TMEM132D: variants seen among roughly 807,000 people sequenced by gnomAD.
The protein encoded by TMEM132D is transmembrane protein 132D.
In TMEM132D, 21 loss-of-function variants were observed where a neutral mutation model predicts 62.3. The observed-to-expected ratio is 0.34, with a 90% CI of 0.24 to 0.49. The LOEUF is 0.49. TMEM132D is among the 20% of genes least tolerant of loss of function. TMEM132D has a pLI of 0.99. For missense variants in TMEM132D, 1,346 were observed against 1,402.8 expected (o/e 0.96, Z 0.65); for synonymous variants, 621 against 575.6 (o/e 1.08, Z -1.13).
intron 2 of TMEM132D, among the ~76,000 whole-genome samples, chr12:129,632,035 C>A (rs1435216971): frequency 6.6e-6 from 1 of 152,184 alleles, no homozygotes; most frequent in Non-Finnish European, 1.5e-5. Flanking sequence ...GCATTATTTA[C>A]AACAGGAGCA....
At position 129,834,356 on chromosome 12, in the gene TMEM132D, A is replaced by G. The variant is rs565340165; in HGVS notation, c.79+68905T>C. The stretch of plus-strand genomic sequence containing the variant: ...AGTCCACCACCACCATCGGGCCAGC[A>G]TCAAGATAATGGCAACCAAACCTCA... On this transcript the variant is annotated intron_variant, in intron 1 of 8. Transcript: ENST00000422113. 4.4e-3 allele frequency among the ~76,000 whole-genome samples: 671 copies of G among 152,276 alleles called. 4 individuals are homozygous for G. Among genetic ancestry groups the G allele is most frequent in the African/African-American group, 0.015 (621 of 41,566 alleles).
At chr12:129,828,242 T>C (rs1872713842) in intron 1 of TMEM132D, among the ~76,000 whole-genome samples, 1 of 152,136 alleles carries the variant, frequency 6.6e-6, no homozygotes, top group African/African-American at 2.4e-5. Context: ...GCCAGAGAAT[T>C]TTCCTTAGCT....
At chr12:129,331,660 G>T (rs1472202155) in intron 4 of TMEM132D, among the ~76,000 whole-genome samples, 3 of 152,188 alleles carry the variant, frequency 2.0e-5, no homozygotes, top group Admixed American at 6.5e-5. Context: ...AGGAAGAAAA[G>T]AGTTTGTTTT....
intron 1 of TMEM132D, among the ~76,000 whole-genome samples, chr12:129,845,910 C>T (rs1344295933): frequency 6.6e-6 from 1 of 152,214 alleles, no homozygotes; most frequent in Non-Finnish European, 1.5e-5. Flanking sequence ...TACTGATACC[C>T]ACTTTTAATT....
At position 129,537,158 on chromosome 12, in the gene TMEM132D, T is replaced by TTAAAA. The variant is rs551400531; in HGVS notation, c.969-5954_969-5953insTTTTA. Among the ~76,000 whole-genome samples the TTAAAA allele has an allele frequency of 1.7e-4, 20 of 114,338 alleles. 2 individuals carry two copies. The East Asian group carries it at 4.1e-3, about 23-fold the overall frequency. 75.0% of individuals were successfully genotyped at this position (114,338 alleles called of 152,430 possible). A position where few individuals can be genotyped will look rare whatever the true frequency, so the allele number is the denominator to read the frequency against. On this transcript the variant is annotated intron_variant, in intron 2 of 8. Coordinates refer to ENST00000422113, the MANE Select transcript of TMEM132D (RefSeq NM_133448.3). Reference sequence around the variant, plus strand: ...CTGGGTGACAGAGTGAAACTCTGTCTAAAAAAAAAAAAAAAATTCATATGC... The same window carrying TTAAAA: ...CTGGGTGACAGAGTGAAACTCTGTCTTAAAAAAAAAAAAAAAAAAAATTCATATGC...
intron 1 of TMEM132D, among the ~76,000 whole-genome samples, chr12:129,847,213 G>A (rs1439555318): frequency 6.6e-6 from 1 of 152,200 alleles, no homozygotes; most frequent in Non-Finnish European, 1.5e-5. Flanking sequence ...GAGCCTGGAT[G>A]TTGACTGGCC....
At chr12:129,659,269 C>T (rs1318313114) in intron 2 of TMEM132D, among the ~76,000 whole-genome samples, 2 of 152,084 alleles carry the variant, frequency 1.3e-5, no homozygotes, top group African/African-American at 4.8e-5. Context: ...AAATCGATGG[C>T]TGTTTTAAAT....
At chr12:129,457,698 GA>G (rs1873521434) in intron 3 of TMEM132D, among the ~76,000 whole-genome samples, 1 of 152,076 alleles carries the variant, frequency 6.6e-6, no homozygotes, top group South Asian at 2.1e-4. Flanking sequence ...GAAGGGCAAA[GA>G]AAAAGGAAGC....
chr12:129,887,725 AAGTT>A (rs1241235194), intron 1 of TMEM132D, among the ~76,000 whole-genome samples: 2 of 152,224 alleles, frequency 1.3e-5, no homozygotes, highest in Admixed American at 1.3e-4. Flanking sequence ...TGCAAGCTGC[AAGTT>A]TTTGTTCTTT....
In TMEM132D at chr12:129,099,810, TTTTTTATTTTTTTTATTTTTA is replaced by T. The variant is rs976428859; in HGVS notation, c.1444-15129_1444-15109del. ...AGTGGGAGCGAAACCCACTTTATTTTTTTTTATTTTTTTTATTTTTATTTTTATTTTTTGAGACGGAGTCTC... is the reference window on the plus strand; with the variant it reads ...AGTGGGAGCGAAACCCACTTTATTTTTTTTTATTTTTTGAGACGGAGTCTC... On this transcript the variant is annotated intron_variant, in intron 5 of 8. Coordinates refer to ENST00000422113, the MANE Select transcript of TMEM132D (RefSeq NM_133448.3). Among the ~76,000 whole-genome samples, 2 of 142,972 alleles carry T rather than the reference TTTTTTATTTTTTTTATTTTTA, an allele frequency of 1.4e-5. 1 individual carries two copies. The highest frequency in any genetic ancestry group is 6.1e-5 in the African/African-American group (2 of 32,664). 93.8% of individuals were successfully genotyped at this position (142,972 alleles called of 152,430 possible).
chr12:129,081,960 G>A lies in TMEM132D; in HGVS notation c.1722C>T (p.His574=), dbSNP rs200675006. The A allele has an allele frequency of 2.5e-5, 41 of 1,614,038 alleles. No homozygotes were observed. The highest frequency in any genetic ancestry group is 6.7e-5 in the African/African-American group (5 of 75,068). Reference sequence around the variant, plus strand: ...ACTGCGTCAGGACCCGCACCATGGCGTGCTGGTACTGCAGGGTGCAGCCGC... The same window carrying A: ...ACTGCGTCAGGACCCGCACCATGGCATGCTGGTACTGCAGGGTGCAGCCGC... ...RGRGCTLQYQ[H]AMVRVLTQFV... is the part of the protein sequence containing the mutation. Residue 574 remains histidine, a synonymous_variant, in exon 7 of 9, where the codon CAC becomes CAT. Transcript: ENST00000422113.
At chr12:129,187,000 A>G (rs1878239698) in intron 5 of TMEM132D, among the ~76,000 whole-genome samples, 1 of 152,214 alleles carries the variant, frequency 6.6e-6, no homozygotes, top group African/African-American at 2.4e-5. Flanking sequence ...TTTAATATAA[A>G]TAATTAGCTG....
chr12:129,709,455 T>C (rs895305560), intron 1 of TMEM132D, among the ~76,000 whole-genome samples: 3 of 152,242 alleles, frequency 2.0e-5, no homozygotes, highest in Non-Finnish European at 4.4e-5. Flanking sequence ...TTTTGTCTTA[T>C]GAGACTGTAA....
chr12:129,724,844 A>C (rs1868973096), intron 1 of TMEM132D, among the ~76,000 whole-genome samples: 1 of 152,178 alleles, frequency 6.6e-6, no homozygotes, highest in Non-Finnish European at 1.5e-5. Context: ...TAAGCTACTA[A>C]GTTTGTGGCA....
At chr12:129,532,178 C>A (rs11060403) in intron 2 of TMEM132D, among the ~76,000 whole-genome samples, 24,226 of 152,194 alleles carry the variant, frequency 0.16, 2,182 homozygotes, top group Non-Finnish European at 0.21. Flanking sequence ...TTCTCTTAGT[C>A]CCTCAGCGGA....
At chr12:129,537,960 C>A (rs1351505188) in intron 2 of TMEM132D, among the ~76,000 whole-genome samples, 1 of 152,190 alleles carries the variant, frequency 6.6e-6, no homozygotes, top group African/African-American at 2.4e-5. Context: ...AGAGTCCTGG[C>A]CTCATCGACG....
At chr12:129,183,195 C>A (rs117617523) in intron 5 of TMEM132D, among the ~76,000 whole-genome samples, 1 of 152,344 alleles carries the variant, frequency 6.6e-6, no homozygotes, top group East Asian at 1.9e-4. Flanking sequence ...CGGAATGGCA[C>A]AACCACCAGC....
At position 129,559,373 on chromosome 12, in the gene TMEM132D, G is replaced by A. The variant is rs934285605; in HGVS notation, c.969-28168C>T. On this transcript the variant is annotated intron_variant, in intron 2 of 8. Transcript: ENST00000422113. ...GTTTTGCATAGCAACAGGTATACAC[G>A]TAGCCCAATTTAAGACCTCTGCAAT... Among the ~76,000 whole-genome samples the A allele has an allele frequency of 5.3e-5, 8 of 152,278 alleles. No individual in the cohort carries two copies. In the East Asian group the frequency reaches 1.5e-3, roughly 29 times the overall value.
chr12:129,422,277 A>T (rs759888301), intron 3 of TMEM132D, among the ~76,000 whole-genome samples: 4 of 152,122 alleles, frequency 2.6e-5, no homozygotes, highest in Non-Finnish European at 5.9e-5. Flanking sequence ...AAACAGAAAG[A>T]GGGGTATATT....
Sources: allele counts gnomAD v4.1 joint callset (sites outside exome capture counted in the v4.1 genomes callset), GRCh38; gene constraint gnomAD v4.1.1; transcripts MANE v1.5; gene names NCBI Gene and HGNC (gene_info 2026-07-23, HGNC 2026-07-21).